The following SPTLC1 variants were observed in gnomAD, a reference collection of about 807,000 sequenced individuals.
The protein encoded by SPTLC1 is serine palmitoyltransferase 1.
In SPTLC1, 55 loss-of-function variants were observed where a neutral mutation model predicts 68.9. That is an observed-to-expected ratio of 0.80 (90% CI 0.64 to 1.00). The LOEUF (loss-of-function observed/expected upper bound fraction) is 1.00. SPTLC1 is among the 50% of genes least tolerant of loss of function. The pLI is 0.00. For synonymous variants in SPTLC1, 197 were observed against 201.6 expected, an observed-to-expected ratio of 0.98 and a Z score of 0.19; for missense variants, 449 against 573.1, an observed-to-expected ratio of 0.78 and a Z score of 2.21.
At chr9:92,098,430 C>T (rs1327125811) in intron 3 of SPTLC1, among the ~76,000 whole-genome samples, 1 of 152,164 alleles carries the variant, frequency 6.6e-6, no homozygotes, top group Non-Finnish European at 1.5e-5. Context: ...GATTTTTGCC[C>T]TCTTTGTCTC....
intron 3 of SPTLC1, among the ~76,000 whole-genome samples, chr9:92,103,890 C>T (rs1390429316): frequency 1.3e-5 from 2 of 152,232 alleles, no homozygotes; most frequent in African/African-American, 2.4e-5. Flanking sequence ...GGATCAGCCC[C>T]GCACCCCCAA....
At chr9:92,049,562 A>AT (rs1343718222) in intron 9 of SPTLC1, among the ~76,000 whole-genome samples, 1 of 152,192 alleles carries the variant, frequency 6.6e-6, no homozygotes, top group East Asian at 1.9e-4. Flanking sequence ...TAGAATACAG[A>AT]TTTTTAAACA....
rs1834354491 is a variant in SPTLC1 at position 92,068,039 on chromosome 9, T to C, written c.487A>G (p.Ile163Val). ...ATGGTGGCAAATCCATATGAGTATA[T>C]AATGGCTTCTTCTGTCTTCATAAAT... ...AKFMKTEEAI[I>V]YSYGFATIAS... Residue 163 changes from isoleucine (I) to valine (V), a missense_variant, in exon 6 of 15, where the codon ATA (isoleucine) becomes GTA (valine). This residue lies in a region of SPTLC1 where 391 missense variants were observed against 472.1 expected (regional missense o/e 0.83). Coordinates refer to ENST00000262554, the MANE Select transcript of SPTLC1 (RefSeq NM_006415.4). 1.9e-6 allele frequency: 3 copies of C among 1,613,916 alleles called. No homozygotes were observed. Among genetic ancestry groups the C allele is most frequent in the Admixed American group, 1.7e-5 (1 of 60,004 alleles).
chr9:92,107,776 AT>A (rs1200473685), intron 3 of SPTLC1: 2 of 152,208 alleles, frequency 1.3e-5, no homozygotes, highest in Non-Finnish European at 2.9e-5. Context: ...GGTAGGTTTG[AT>A]TTCAGAATAT....
At chr9:92,057,612 T>C (rs1020184182) in intron 7 of SPTLC1, among the ~76,000 whole-genome samples, 3 of 152,228 alleles carry the variant, frequency 2.0e-5, no homozygotes, top group African/African-American at 7.2e-5. Flanking sequence ...GTATTCCTTT[T>C]ATGAACTACT....
chr9:92,047,296 C>T (rs777331991), intron 10 of SPTLC1, 28 bp from the exon 11 acceptor site: 1 of 1,576,916 alleles, frequency 6.3e-7, no homozygotes, highest in South Asian at 1.1e-5. Flanking sequence ...AAGACATATA[C>T]ACATTCTCTG....
chr9:92,051,358 T>C (rs1833698877), intron 8 of SPTLC1: 3 of 758,904 alleles, frequency 4.0e-6, no homozygotes, highest in Admixed American at 6.3e-5. Flanking sequence ...TAGAAGAATG[T>C]AGGGGGAAAA....
In SPTLC1 at chr9:92,073,835, C is replaced by T. The variant is rs536693730; in HGVS notation, c.428-5737G>A. Reference sequence around the variant, plus strand: ...AAACAAACCCCAGCAGCACCGCCTACCTGCAAAAACTTCAAGGCGTACAAA... The same window carrying T: ...AAACAAACCCCAGCAGCACCGCCTATCTGCAAAAACTTCAAGGCGTACAAA... On this transcript the variant is annotated intron_variant, in intron 5 of 14. Transcript: ENST00000262554. Among the ~76,000 whole-genome samples the T allele has an allele frequency of 2.2e-4, 33 of 152,334 alleles. 1 individual carries two copies. The Middle Eastern group carries it at 0.01, about 47-fold the overall frequency.
intron 3 of SPTLC1, among the ~76,000 whole-genome samples, chr9:92,099,344 G>A (rs995192803): frequency 4.6e-5 from 7 of 151,632 alleles, no homozygotes; most frequent in Admixed American, 2.0e-4. Flanking sequence ...GTGTAGATGT[G>A]TTTTCAGAGA....
chr9:92,071,227 TAAAAAA>T (rs777594686), intron 5 of SPTLC1, among the ~76,000 whole-genome samples: 5 of 101,214 alleles, frequency 4.9e-5, no homozygotes, highest in Admixed American at 2.1e-4. Context: ...CTATCTCTAC[TAAAAAA>T]AAAAAAAAAA....
intron 3 of SPTLC1, among the ~76,000 whole-genome samples, chr9:92,100,541 G>A (rs1218470543): frequency 6.6e-6 from 1 of 152,100 alleles, no homozygotes; most frequent in Admixed American, 6.5e-5. Flanking sequence ...GATTTATTGT[G>A]CCATCAGTGC....
intron 7 of SPTLC1, among the ~76,000 whole-genome samples, chr9:92,056,979 T>G (rs905629053): frequency 6.6e-6 from 1 of 152,212 alleles, no homozygotes; most frequent in African/African-American, 2.4e-5. Flanking sequence ...AAAAACATTT[T>G]CTTAGATTTA....
At chr9:92,113,242 G>T (rs1000861684) in intron 1 of SPTLC1, among the ~76,000 whole-genome samples, 1 of 152,196 alleles carries the variant, frequency 6.6e-6, no homozygotes, top group Non-Finnish European at 1.5e-5. Flanking sequence ...GGATTTGGGA[G>T]TAAGAAGTTT....
intron 11 of SPTLC1, 100 bp downstream of exon 11, chr9:92,047,072 C>T: frequency 9.7e-7 from 1 of 1,029,098 alleles, no homozygotes; most frequent in South Asian, 1.3e-5. Flanking sequence ...AACTGCAAAC[C>T]AGTTTTGTCT....
chr9:92,098,358 C>CAGCGCGACTTCCCT (rs2118774372), intron 3 of SPTLC1, among the ~76,000 whole-genome samples: 1 of 151,876 alleles, frequency 6.6e-6, no homozygotes, highest in African/African-American at 2.4e-5. Context: ...ACCTTTGGCA[C>CAGCGCGACTTCCCT]AGCGCGACTT....
chr9:92,058,684 A>G (rs1316404198), intron 7 of SPTLC1, among the ~76,000 whole-genome samples: 1 of 152,212 alleles, frequency 6.6e-6, no homozygotes, highest in Non-Finnish European at 1.5e-5. Context: ...TCCCACAGGC[A>G]GTAGCTGCTC....
intron 2 of SPTLC1, chr9:92,111,448 T>C (rs917703614): frequency 6.6e-6 from 1 of 152,224 alleles, no homozygotes; most frequent in Non-Finnish European, 1.5e-5. Flanking sequence ...ATGACTAGCA[T>C]GTATTATGGC....
At chr9:92,093,625 A>C (rs1171003707) in intron 3 of SPTLC1, among the ~76,000 whole-genome samples, 1 of 152,256 alleles carries the variant, frequency 6.6e-6, no homozygotes, top group Non-Finnish European at 1.5e-5. Context: ...GAAAAATATA[A>C]AGACAGTAAT....
At chr9:92,091,634 T>A (rs974594335) in intron 3 of SPTLC1, among the ~76,000 whole-genome samples, 1 of 152,232 alleles carries the variant, frequency 6.6e-6, no homozygotes, top group African/African-American at 2.4e-5. Context: ...CATATCAAAT[T>A]GGCCAAGAAA....
Sources: gnomAD v4.1 joint callset for allele counts (sites outside exome capture counted in the v4.1 genomes callset) on GRCh38, gnomAD v4.1.1 for gene constraint, gnomAD v4.1.1 regional missense constraint, MANE v1.5 for transcripts, NCBI Gene and HGNC (gene_info 2026-07-23, HGNC 2026-07-21) for gene names.